Variants in TRAPPC9 observed in about 807,000 individuals in gnomAD.
TRAPPC9 encodes the protein trafficking protein particle complex subunit 9, also known as IKK2 binding protein.
A neutral mutation model predicts 124.0 loss-of-function variants in TRAPPC9; 83 were observed. The observed-to-expected ratio is 0.67, with a 90% CI of 0.56 to 0.80. The LOEUF is 0.80. TRAPPC9 is among the 30% of genes least tolerant of loss of function. The pLI, the probability that TRAPPC9 is intolerant of heterozygous loss-of-function variation, is 0.00. For synonymous variants in TRAPPC9, 638 were observed against 617.5 expected (o/e 1.03, Z -0.49); for missense variants, 1,302 against 1,508.3 (o/e 0.86, Z 2.27).
chr8:140,337,494 T>C (rs965509177), intron 9 of TRAPPC9, among the ~76,000 whole-genome samples: 1 of 152,136 alleles, frequency 6.6e-6, no homozygotes, highest in Non-Finnish European at 1.5e-5. Context: ...CTGTGACATA[T>C]GAGCCACAGA....
chr8:140,239,370 A>G (rs1052275383), intron 16 of TRAPPC9, among the ~76,000 whole-genome samples: 4 of 152,152 alleles, frequency 2.6e-5, no homozygotes, highest in Non-Finnish European at 4.4e-5. Context: ...GTTTCCAGGT[A>G]AAGAGGAAAA....
intron 7 of TRAPPC9, among the ~76,000 whole-genome samples, chr8:140,379,458 C>T (rs573822751): frequency 6.6e-5 from 10 of 152,198 alleles, no homozygotes; most frequent in African/African-American, 1.7e-4. Context: ...TGGGCAAGTG[C>T]GGAAAGGTCC....
chr8:139,773,507 T>G (rs1193196202), intron 21 of TRAPPC9, among the ~76,000 whole-genome samples: 1 of 152,140 alleles, frequency 6.6e-6, no homozygotes, highest in African/African-American at 2.4e-5. Context: ...TCCTCCCCGG[T>G]GGACGGACCT....
At chr8:140,404,909 C>CGTGTGTGTGTGTGT (rs71320356) in intron 6 of TRAPPC9, among the ~76,000 whole-genome samples, 6,134 of 119,760 alleles carry the variant, frequency 0.051, 186 homozygotes, top group Middle Eastern at 0.18. Flanking sequence ...TGTGAGCATG[C>CGTGTGTGTGTGTGT]GTGTGTGTGT....
At chr8:140,101,247 C>A (rs1172069455) in intron 17 of TRAPPC9, among the ~76,000 whole-genome samples, 1 of 152,034 alleles carries the variant, frequency 6.6e-6, no homozygotes, top group Non-Finnish European at 1.5e-5. Flanking sequence ...TCAAGCGATT[C>A]TCCTGCCTCA....
At chr8:140,431,184 C>T (rs565656073) in intron 4 of TRAPPC9, among the ~76,000 whole-genome samples, 36 of 151,948 alleles carry the variant, frequency 2.4e-4, no homozygotes, top group Admixed American at 5.9e-4. Context: ...TCGCCGGGCG[C>T]GGTGGCTCAC....
At chr8:140,185,180 A>T (rs2062324083) in intron 17 of TRAPPC9, among the ~76,000 whole-genome samples, 2 of 152,194 alleles carry the variant, frequency 1.3e-5, no homozygotes, top group Admixed American at 1.3e-4. Context: ...CATGGGAAGC[A>T]TCCAACAGGC....
chr8:140,359,935 T>C, intron 9 of TRAPPC9, 115 bp downstream of exon 9: 3 of 1,448,244 alleles, frequency 2.1e-6, no homozygotes, highest in Admixed American at 3.4e-5. Flanking sequence ...GACGAAGAGC[T>C]GGGCAGCATC....
At chr8:140,429,845 A>G (rs544395008) in intron 4 of TRAPPC9, among the ~76,000 whole-genome samples, 1 of 151,528 alleles carries the variant, frequency 6.6e-6, no homozygotes, top group Non-Finnish European at 1.5e-5. Flanking sequence ...GCACATTTTA[A>G]ATGTTCAACA....
chr8:139,763,454 C>G (rs1820369365), intron 21 of TRAPPC9, among the ~76,000 whole-genome samples: 1 of 148,594 alleles, frequency 6.7e-6, no homozygotes, highest in Non-Finnish European at 1.5e-5. Flanking sequence ...TAGTCCCCTC[C>G]CTCCCTCCCT....
intron 21 of TRAPPC9, among the ~76,000 whole-genome samples, chr8:139,735,114 A>G (rs565487918): frequency 3.0e-4 from 45 of 152,302 alleles, no homozygotes; most frequent in African/African-American, 1.1e-3. Flanking sequence ...TTGTTCTCCC[A>G]GCTGGTCTGT....
intron 21 of TRAPPC9, among the ~76,000 whole-genome samples, chr8:139,844,968 G>A (rs528395453): frequency 7.3e-4 from 111 of 152,176 alleles, no homozygotes; most frequent in African/African-American, 2.6e-3. Flanking sequence ...CAGCAGCTTG[G>A]TGTCCCACTG....
At chr8:139,908,025 C>A (rs1831473366) in intron 20 of TRAPPC9, among the ~76,000 whole-genome samples, 1 of 152,192 alleles carries the variant, frequency 6.6e-6, no homozygotes, top group African/African-American at 2.4e-5. Flanking sequence ...TGGCCCAGGG[C>A]AGCACCAGCC....
chr8:140,424,161 TA>T (rs889500498), intron 5 of TRAPPC9, among the ~76,000 whole-genome samples: 5 of 151,390 alleles, frequency 3.3e-5, no homozygotes, highest in South Asian at 2.1e-4. Flanking sequence ...TTTGTTTTTT[TA>T]AAAAAAAGCA....
chr8:139,879,110 G>A (rs1004641274), intron 21 of TRAPPC9, among the ~76,000 whole-genome samples: 5 of 152,238 alleles, frequency 3.3e-5, no homozygotes, highest in African/African-American at 4.8e-5. Context: ...GGCGGCCTAC[G>A]GGTGTGATAG....
At chr8:139,741,727 A>T (rs913096898) in intron 21 of TRAPPC9, among the ~76,000 whole-genome samples, 3 of 151,726 alleles carry the variant, frequency 2.0e-5, no homozygotes, top group Non-Finnish European at 2.9e-5. Flanking sequence ...CCTTTCCCGC[A>T]CCATACATTT....
chr8:140,444,091 A>G (rs1191749777), intron 2 of TRAPPC9, among the ~76,000 whole-genome samples: 3 of 148,918 alleles, frequency 2.0e-5, no homozygotes, highest in East Asian at 4.0e-4. Flanking sequence ...ACACACCTGT[A>G]GTCCCAGCTA....
chr8:140,452,000 A>G (rs1364217690), intron 1 of TRAPPC9, among the ~76,000 whole-genome samples: 1 of 152,022 alleles, frequency 6.6e-6, no homozygotes, highest in Admixed American at 6.6e-5. Context: ...ACGTGCCTGT[A>G]ATCCCAGTTA....
chr8:140,164,917 CCT>C (rs919551694), intron 17 of TRAPPC9, among the ~76,000 whole-genome samples: 27 of 152,334 alleles, frequency 1.8e-4, no homozygotes, highest in Admixed American at 1.4e-3. Context: ...GCAGCCCCTG[CCT>C]CTCTCTAGTC....
Sources: gnomAD v4.1 joint callset for allele counts (sites outside exome capture counted in the v4.1 genomes callset) on GRCh38, gnomAD v4.1.1 for gene constraint, MANE v1.5 for transcripts, NCBI Gene and HGNC (gene_info 2026-07-23, HGNC 2026-07-21) for gene names.